The following RBPJ variants were observed in gnomAD, a reference collection of about 807,000 sequenced individuals.
RBPJ encodes the protein recombining binding protein suppressor of hairless.
RBPJ carries 9 observed loss-of-function variants against 67.8 expected under a neutral mutation model. The ratio of observed to expected loss-of-function variants is 0.13; its 90% confidence interval spans 0.08 to 0.23. The LOEUF is 0.23. RBPJ is among the 10% of genes least tolerant of loss of function. The probability of loss-of-function intolerance (pLI) is 1.00; values close to 1 mark genes in which losing one functional copy is unlikely to be tolerated. For missense variants in RBPJ, 305 were observed against 595.6 expected, an observed-to-expected ratio of 0.51 and a Z score of 5.08; for synonymous variants, 198 against 203.3, an observed-to-expected ratio of 0.97 and a Z score of 0.22.
chr4:26,416,029 A>G (rs899393877), intron 4 of RBPJ, among the ~76,000 whole-genome samples: 7 of 152,188 alleles, frequency 4.6e-5, no homozygotes, highest in African/African-American at 1.7e-4. Flanking sequence ...TATACTAGAC[A>G]CGATGATATA....
chr4:26,216,979 A>T (rs1190225981), intron 1 of RBPJ, among the ~76,000 whole-genome samples: 3 of 152,110 alleles, frequency 2.0e-5, no homozygotes, highest in Non-Finnish European at 2.9e-5. Flanking sequence ...AAAATTACAC[A>T]TGTGCTTTGT....
chr4:26,345,456 G>A (rs1435805184), intron 1 of RBPJ, among the ~76,000 whole-genome samples: 1 of 152,170 alleles, frequency 6.6e-6, no homozygotes, highest in Non-Finnish European at 1.5e-5. Context: ...AGCGCCTACT[G>A]AGGTTTGTGT....
intron 1 of RBPJ, among the ~76,000 whole-genome samples, chr4:26,345,011 C>T (rs1275886874): frequency 2.0e-5 from 3 of 152,296 alleles, no homozygotes; most frequent in South Asian, 2.1e-4. Flanking sequence ...AATTTAGTCT[C>T]GTTCTTCCTA....
chr4:26,316,430 TATATACATTC>T (rs1450609905), upstream of RBPJ, among the ~76,000 whole-genome samples: 19 of 127,562 alleles, frequency 1.5e-4, no homozygotes, highest in South Asian at 7.1e-4. Flanking sequence ...TATACATTCA[TATATACATTC>T]ATATACATTC....
intron 1 of RBPJ, among the ~76,000 whole-genome samples, chr4:26,191,046 G>A (rs2109140331): frequency 6.7e-6 from 1 of 148,672 alleles, no homozygotes; most frequent in African/African-American, 2.5e-5. Context: ...TAGCGACTCA[G>A]GAGGCTGAGG....
intron 1 of RBPJ, among the ~76,000 whole-genome samples, chr4:26,346,386 C>T (rs769393257): frequency 1.3e-5 from 2 of 152,120 alleles, no homozygotes; most frequent in African/African-American, 4.8e-5. Context: ...ACGTTTACAG[C>T]GGGGAAGGCT....
At chr4:26,342,814 T>C (rs2109404949) in intron 1 of RBPJ, among the ~76,000 whole-genome samples, 1 of 152,358 alleles carries the variant, frequency 6.6e-6, no homozygotes, top group African/African-American at 2.4e-5. Context: ...TTCAGTGTAA[T>C]GGTATCTCTG....
At chr4:26,133,983 G>C in the RBPJ span, among the ~76,000 whole-genome samples, 2 of 152,012 alleles carry the variant, frequency 1.3e-5, no homozygotes, top group Non-Finnish European at 2.9e-5. Flanking sequence ...AGAGGGAGCT[G>C]CATAGAAGCT....
chr4:26,221,007 G>T (rs891206324), intron 1 of RBPJ, among the ~76,000 whole-genome samples: 10 of 152,166 alleles, frequency 6.6e-5, no homozygotes, highest in African/African-American at 2.2e-4. Context: ...ATTTTTGTGT[G>T]TATACGTACT....
chr4:26,186,192 TAAAAAAAAA>T lies in RBPJ; in HGVS notation c.-167+22593_-167+22601del, dbSNP rs528707678. Among the ~76,000 whole-genome samples the T allele has an allele frequency of 7.7e-5, 9 of 117,068 alleles. No individual in the cohort carries two copies. The Admixed American group carries it at 8.5e-4, about 11-fold the overall frequency. The allele number at this position is 117,068 out of a possible 152,430, so 76.8% of individuals were successfully genotyped here. ...CTTCTTTCTGCTCCCCCCTTTTTTT[TAAAAAAAAA>T]AAAAAAAAAAAAAAGACCAATGTAT... On this transcript the variant is annotated intron_variant, in intron 1 of 4. Coordinates refer to the RBPJ transcript ENST00000512351.
rs1220630717 is a variant in RBPJ at position 26,270,425 on chromosome 4, GAA to G, written c.-166-92019_-166-92018del. Among the ~76,000 whole-genome samples the G allele has an allele frequency of 5.2e-3, 277 of 53,690 alleles. 15 individuals are homozygous for G. The highest frequency in any genetic ancestry group is 0.013 in the African/African-American group (263 of 20,406). 35.2% of individuals were successfully genotyped at this position (53,690 alleles called of 152,430 possible). A position where few individuals can be genotyped will look rare whatever the true frequency, so the allele number is the denominator to read the frequency against. ...AGAAAGAAAGAAAGAAAGAAAGAAA[GAA>G]AGAAAGAAAGAAGAAAGAAAGAAAG... On this transcript the variant is annotated intron_variant, in intron 1 of 4. Transcript: ENST00000512351.
intron 1 of RBPJ, among the ~76,000 whole-genome samples, chr4:26,258,890 G>C (rs754186693): frequency 1.3e-5 from 2 of 152,002 alleles, no homozygotes; most frequent in African/African-American, 2.4e-5. Context: ...TGCAACCTCT[G>C]CCTCCTGGGT....
At chr4:26,244,339 A>G (rs112166087) in intron 1 of RBPJ, among the ~76,000 whole-genome samples, 16 of 1,354 alleles carry the variant, frequency 0.012, 3 homozygotes, top group South Asian at 0.062. Flanking sequence ...ATATGTGTAC[A>G]CATATGTGTG....
At chr4:26,274,936 C>CA (rs964007130) in intron 1 of RBPJ, among the ~76,000 whole-genome samples, 5 of 147,790 alleles carry the variant, frequency 3.4e-5, no homozygotes, top group Non-Finnish European at 6.0e-5. Flanking sequence ...GACACCGTCT[C>CA]AAAAAAACAA....
intron 1 of RBPJ, 63 bp downstream of exon 1, chr4:26,321,111 G>T (rs1242559057): frequency 8.7e-6 from 12 of 1,378,162 alleles, no homozygotes; most frequent in Non-Finnish European, 1.1e-5. Context: ...GCAGCTCACG[G>T]CGGGCAGCGG....
At chr4:26,161,335 G>A (rs1048540479), upstream of RBPJ, among the ~76,000 whole-genome samples, 14 of 152,232 alleles carry the variant, frequency 9.2e-5, no homozygotes, top group Admixed American at 6.5e-5. Flanking sequence ...GATAAATGGT[G>A]ATTGTTTTAC....
intron 1 of RBPJ, among the ~76,000 whole-genome samples, chr4:26,378,190 TC>T (rs1213788814): frequency 6.6e-6 from 1 of 152,166 alleles, no homozygotes; most frequent in Non-Finnish European, 1.5e-5. Flanking sequence ...AGATTCTGGT[TC>T]TGTGTTTTTG....
chr4:26,213,900 G>T (rs567641675), intron 1 of RBPJ, among the ~76,000 whole-genome samples: 1 of 152,142 alleles, frequency 6.6e-6, no homozygotes, highest in South Asian at 2.1e-4. Context: ...AAATAGATTC[G>T]ACAGGATTTG....
chr4:26,201,332 G>A (rs1037697142), intron 1 of RBPJ, among the ~76,000 whole-genome samples: 1 of 152,032 alleles, frequency 6.6e-6, no homozygotes, highest in African/African-American at 2.4e-5. Context: ...TACTTAACTG[G>A]GTGACATAGC....
Sources: allele counts gnomAD v4.1 joint callset (sites outside exome capture counted in the v4.1 genomes callset), GRCh38; gene constraint gnomAD v4.1.1; transcripts MANE v1.5; gene names NCBI Gene and HGNC (gene_info 2026-07-23, HGNC 2026-07-21).